Variants in GYPC observed in about 807,000 individuals in gnomAD.
The protein encoded by GYPC is glycophorin C (Gerbich blood group), also known as glycophorin-C.
A neutral mutation model predicts 12.6 loss-of-function variants in GYPC; 14 were observed. The observed-to-expected ratio is 1.11, with a 90% CI of 0.74 to 1.74. The LOEUF is 1.74. Ranked by LOEUF, GYPC falls within the 40% of genes most tolerant of loss-of-function variation. The pLI, the probability that GYPC is intolerant of heterozygous loss-of-function variation, is 0.00. For synonymous variants in GYPC, 78 were observed against 62.1 expected, an observed-to-expected ratio of 1.26 and a Z score of -1.20; for missense variants, 225 against 172.1, an observed-to-expected ratio of 1.31 and a Z score of -1.72.
At chr2:126,692,347 G>C (rs1183418690) in intron 2 of GYPC, among the ~76,000 whole-genome samples, 3 of 152,126 alleles carry the variant, frequency 2.0e-5, no homozygotes, top group African/African-American at 7.2e-5. Flanking sequence ...TGGACCCCTA[G>C]CTGGGAGTCT....
chr2:126,680,095 A>C (rs1358181897), intron 1 of GYPC: 1 of 152,068 alleles, frequency 6.6e-6, no homozygotes, highest in Non-Finnish European at 1.5e-5. Context: ...TACATGCACA[A>C]CTCCAGTGGG....
At chr2:126,660,774 C>T (rs1049848869) in intron 1 of GYPC, among the ~76,000 whole-genome samples, 1 of 152,170 alleles carries the variant, frequency 6.6e-6, no homozygotes, top group Non-Finnish European at 1.5e-5. Flanking sequence ...TTGGCATGGA[C>T]TTGGAGGCCA....
intron 1 of GYPC, among the ~76,000 whole-genome samples, chr2:126,684,279 C>T (rs548283763): frequency 2.5e-4 from 38 of 152,150 alleles, no homozygotes; most frequent in Admixed American, 7.9e-4. Context: ...CAAGACCAGA[C>T]GAATGCACAT....
intron 1 of GYPC, among the ~76,000 whole-genome samples, chr2:126,663,354 A>G (rs1249357802): frequency 6.6e-6 from 1 of 152,176 alleles, no homozygotes; most frequent in Non-Finnish European, 1.5e-5. Flanking sequence ...GTTTTTATCC[A>G]AGAGTCAGCA....
chr2:126,672,884 C>T (rs752347438), intron 1 of GYPC, among the ~76,000 whole-genome samples: 8 of 152,152 alleles, frequency 5.3e-5, no homozygotes, highest in Non-Finnish European at 1.2e-4. Flanking sequence ...GCCTCCTTCT[C>T]CTCTCTGAAA....
Position 126,669,322 on chromosome 2 carries a change from G to T in GYPC, c.49+13010G>T, listed in dbSNP as rs546945178. ...TCCTGTGCTGCGAGTGGATGCTCCA[G>T]GCCATGCCCCCTCCTCAGGGTACAG... is the stretch of plus-strand genomic sequence containing the variant. On this transcript the variant is annotated intron_variant, in intron 1 of 3. Transcript: ENST00000259254. 1.4e-4 allele frequency among the ~76,000 whole-genome samples: 22 copies of T among 152,294 alleles called. No homozygotes were observed. The South Asian group carries it at 3.7e-3, about 26-fold the overall frequency.
intron 1 of GYPC, among the ~76,000 whole-genome samples, chr2:126,677,319 A>G (rs1425547314): frequency 6.8e-6 from 1 of 147,284 alleles, no homozygotes; most frequent in Non-Finnish European, 1.5e-5. Flanking sequence ...GTGTGTGAGA[A>G]TGTGTGTGAT....
At chr2:126,670,646 T>A (rs1682825390) in intron 1 of GYPC, among the ~76,000 whole-genome samples, 1 of 151,920 alleles carries the variant, frequency 6.6e-6, no homozygotes. Context: ...GGTGGCTTAG[T>A]CCCCACAGGC....
At chr2:126,674,210 C>T (rs749137453) in intron 1 of GYPC, among the ~76,000 whole-genome samples, 5 of 152,188 alleles carry the variant, frequency 3.3e-5, no homozygotes, top group Non-Finnish European at 5.9e-5. Flanking sequence ...GCGGGAGAAG[C>T]AGAACTGAGC....
At chr2:126,671,406 C>T (rs1682851875) in intron 1 of GYPC, among the ~76,000 whole-genome samples, 1 of 152,258 alleles carries the variant, frequency 6.6e-6, no homozygotes, top group Non-Finnish European at 1.5e-5. Flanking sequence ...GTTCAGAAAA[C>T]AGTGCTTTAT....
intron 1 of GYPC, among the ~76,000 whole-genome samples, chr2:126,668,821 G>C (rs932429846): frequency 1.3e-5 from 2 of 152,208 alleles, no homozygotes; most frequent in Non-Finnish European, 2.9e-5. Context: ...AGATGAGATG[G>C]CTGCCCTCAA....
At chr2:126,663,644 G>A (rs1353188184) in intron 1 of GYPC, among the ~76,000 whole-genome samples, 1 of 152,176 alleles carries the variant, frequency 6.6e-6, no homozygotes, top group Non-Finnish European at 1.5e-5. Context: ...GGATGTGAAG[G>A]TCCATCCATG....
At chr2:126,673,243 T>G (rs1682901834) in intron 1 of GYPC, among the ~76,000 whole-genome samples, 1 of 152,182 alleles carries the variant, frequency 6.6e-6, no homozygotes, top group Non-Finnish European at 1.5e-5. Flanking sequence ...CGGAAGAGAC[T>G]GACTCCTGAT....
At chr2:126,687,699 G>T (rs1412016387) in intron 1 of GYPC, among the ~76,000 whole-genome samples, 5 of 152,324 alleles carry the variant, frequency 3.3e-5, no homozygotes, top group African/African-American at 1.2e-4. Context: ...TGAGCTTGGA[G>T]GGAGCCCACA....
intron 1 of GYPC, among the ~76,000 whole-genome samples, chr2:126,657,227 G>A (rs28387085): frequency 0.05 from 7,612 of 152,326 alleles, 284 homozygotes; most frequent in South Asian, 0.093. Context: ...GGAGCTTGGC[G>A]TGGAGGAGTG....
intron 1 of GYPC, among the ~76,000 whole-genome samples, chr2:126,663,247 A>G (rs887028808): frequency 6.6e-6 from 1 of 151,938 alleles, no homozygotes; most frequent in African/African-American, 2.4e-5. Flanking sequence ...CTTGTTGGCC[A>G]GGATTGTCTC....
intron 1 of GYPC, among the ~76,000 whole-genome samples, chr2:126,659,908 A>C (rs1403850984): frequency 1.3e-5 from 2 of 148,158 alleles, no homozygotes; most frequent in Admixed American, 6.7e-5. Flanking sequence ...CTCTGCCTCA[A>C]CCTCCCAAGT....
At chr2:126,679,788 C>G (rs113949548) in intron 1 of GYPC, 1 of 152,108 alleles carries the variant, frequency 6.6e-6, no homozygotes. Flanking sequence ...GCAGGAGAAT[C>G]GCTTCAATCC....
At chr2:126,656,362 G>A (rs1388934583) in intron 1 of GYPC, 50 bp downstream of exon 1, 3 of 1,484,200 alleles carry the variant, frequency 2.0e-6, no homozygotes, top group South Asian at 1.2e-5. Flanking sequence ...GGAGGCCGCG[G>A]CCCGCAGCAG....
Sources: gnomAD v4.1 joint callset for allele counts (sites outside exome capture counted in the v4.1 genomes callset) on GRCh38, gnomAD v4.1.1 for gene constraint, MANE v1.5 for transcripts, NCBI Gene and HGNC (gene_info 2026-07-23, HGNC 2026-07-21) for gene names.